MTA1: variants seen among roughly 807,000 people sequenced by gnomAD.
The protein encoded by MTA1 is metastasis-associated protein MTA1.
In MTA1, 15 loss-of-function variants were observed where a neutral mutation model predicts 97.0. That is an observed-to-expected ratio of 0.15 (90% CI 0.10 to 0.24). The LOEUF (loss-of-function observed/expected upper bound fraction) is 0.24, where lower values mean the gene tolerates loss of function less well. Ranked by LOEUF, MTA1 falls within the 10% of genes least tolerant of loss-of-function variation. The pLI is 1.00. For synonymous variants in MTA1, 435 were observed against 417.5 expected, an observed-to-expected ratio of 1.04 and a Z score of -0.51; for missense variants, 709 against 1,015.1, an observed-to-expected ratio of 0.70 and a Z score of 4.10.
At chr14:105,430,947 G>GT (rs2082160146) in intron 1 of MTA1, among the ~76,000 whole-genome samples, 1 of 152,194 alleles carries the variant, frequency 6.6e-6, no homozygotes. Flanking sequence ...CCGTGGTGGG[G>GT]TTGAATATTT....
At chr14:105,466,626 G>A in intron 17 of MTA1, 48 bp downstream of exon 17, 2 of 1,574,102 alleles carry the variant, frequency 1.3e-6, no homozygotes, top group Non-Finnish European at 8.6e-7. Context: ...CGCCCGGTGA[G>A]TCCGGCCCGT....
At chr14:105,454,630 G>A (rs1003114804) in intron 7 of MTA1, 34 of 240,156 alleles carry the variant, frequency 1.4e-4, no homozygotes, top group African/African-American at 5.1e-4. Context: ...TTTTTCAGAC[G>A]GAGTCTCGCT....
Position 105,441,756 on chromosome 14 carries a change from T to C in MTA1, c.96+3017T>C, listed in dbSNP as rs587658498. Among the ~76,000 whole-genome samples the C allele has an allele frequency of 7.9e-5, 12 of 152,144 alleles. No homozygotes were observed. The South Asian group carries it at 8.3e-4, about 11-fold the overall frequency. On this transcript the variant is annotated intron_variant, in intron 2 of 20. Transcript: ENST00000331320. ...TTGCAGTGAGCCGAGATCCCGCCAC[T>C]ACACTCCAGCCTGGGCGACAGAGCG... is the stretch of plus-strand genomic sequence containing the variant.
At position 105,463,880 on chromosome 14, in the gene MTA1, G is replaced by A; in HGVS notation, c.1077-152G>A. 1.3e-6 allele frequency: 1 copy of A among 761,742 alleles called. No individual in the cohort carries two copies. Among genetic ancestry groups the A allele is most frequent in the South Asian group, 1.5e-5 (1 of 65,424 alleles). 47.2% of individuals were successfully genotyped at this position (761,742 alleles called of 1,614,324 possible). ...ACCTCAGCAGTGGCTCCCAGGAACTGAAAGGGGAGAAAGGAAGATCCCTGC... is the reference window on the plus strand; with the variant it reads ...ACCTCAGCAGTGGCTCCCAGGAACTAAAAGGGGAGAAAGGAAGATCCCTGC... On this transcript the variant is annotated intron_variant, in intron 12 of 20. Transcript: ENST00000331320. This position sits in a 1 kb window ranked among gnomAD's most constrained non-coding sequence, Gnocchi z 5.9.
At chr14:105,451,101 T>C (rs1033233440) in intron 6 of MTA1, among the ~76,000 whole-genome samples, 1 of 152,124 alleles carries the variant, frequency 6.6e-6, no homozygotes, top group African/African-American at 2.4e-5. Context: ...CCCCAGCGTG[T>C]CCAGTCAGCT....
At chr14:105,453,590 A>G (rs1370676619) in intron 6 of MTA1, among the ~76,000 whole-genome samples, 3 of 152,190 alleles carry the variant, frequency 2.0e-5, no homozygotes, top group Non-Finnish European at 4.4e-5. Flanking sequence ...CGGGTGGATC[A>G]CCTGAGCTCA....
At chr14:105,449,307 G>T in intron 3 of MTA1, 52 bp from the exon 4 acceptor site, 1 of 1,578,766 alleles carries the variant, frequency 6.3e-7, no homozygotes, top group Non-Finnish European at 8.6e-7. Context: ...CAGGGAGCAG[G>T]CCGCCACCCT....
At chr14:105,460,319 C>A in intron 8 of MTA1, 39 bp from the exon 9 acceptor site, 1 of 1,561,048 alleles carries the variant, frequency 6.4e-7, no homozygotes, top group Non-Finnish European at 8.7e-7. Context: ...GGAGTCCCTG[C>A]TTGGCCGACA....
chr14:105,464,527 G>A lies in MTA1; in HGVS notation c.1304G>A (p.Arg435Gln), dbSNP rs782068553. The A allele has an allele frequency of 3.7e-6, 6 of 1,613,080 alleles. No individual in the cohort carries two copies. The highest frequency in any genetic ancestry group is 3.3e-5 in the South Asian group (3 of 91,092). ...KKYGGLKMPT[R>Q]LDGERPGPNR... Reference sequence around the variant, plus strand: ...TATGGTGGCTTGAAAATGCCAACCCGGTTAGATGGAGAGAGGCCAGGACCA... The same window carrying A: ...TATGGTGGCTTGAAAATGCCAACCCAGTTAGATGGAGAGAGGCCAGGACCA... The change falls in exon 14 of 21, where the codon CGG becomes CAG. Residue 435 changes from arginine to glutamine, a missense_variant. Physicochemically the swap from Arg to Gln is conservative, Grantham distance 43 (BLOSUM62 1). This residue lies in a region of MTA1 where 321 missense variants were observed against 593.5 expected (regional missense o/e 0.54). Coordinates refer to ENST00000331320, the MANE Select transcript of MTA1 (RefSeq NM_004689.4).
chr14:105,434,439 A>G (rs189778602), intron 1 of MTA1, among the ~76,000 whole-genome samples: 108 of 151,536 alleles, frequency 7.1e-4, no homozygotes, highest in African/African-American at 2.5e-3. Flanking sequence ...TCTTGTGAAT[A>G]GTACTTTTAC....
At chr14:105,432,494 C>T (rs997487962) in intron 1 of MTA1, among the ~76,000 whole-genome samples, 18 of 152,176 alleles carry the variant, frequency 1.2e-4, no homozygotes, top group Admixed American at 8.5e-4. Flanking sequence ...CTGCCTCGGC[C>T]TCCCAAAGTG....
chr14:105,427,072 G>A (rs1017555201), intron 1 of MTA1, among the ~76,000 whole-genome samples: 24 of 152,336 alleles, frequency 1.6e-4, no homozygotes, highest in East Asian at 7.7e-4. Flanking sequence ...CCGCCCTGCC[G>A]CACAGCTCTT....
rs782670295 is a variant in MTA1 at position 105,458,330 on chromosome 14, C to G, written c.611C>G (p.Pro204Arg). The G allele has an allele frequency of 1.2e-6, 2 of 1,612,776 alleles. No individual in the cohort carries two copies. The highest frequency in any genetic ancestry group is 1.3e-5 in the African/African-American group (1 of 75,038). The change falls in exon 8 of 21, where the codon CCA (proline) becomes CGA (arginine). Residue 204 changes from proline to arginine, a missense_variant. Coordinates refer to ENST00000331320, the MANE Select transcript of MTA1 (RefSeq NM_004689.4). ...LETQVWEAHN[P>R]LTDKQIDQFL... ...ACCCAGGTGTGGGAGGCGCACAACC[C>G]ACTCACAGACAAGCAGATCGACCAG...
intron 2 of MTA1, 34 bp downstream of exon 2, chr14:105,438,773 T>A: frequency 8.7e-5 from 114 of 1,306,142 alleles, no homozygotes; most frequent in Non-Finnish European, 1.2e-4. Context: ...TGCAGGGGGG[T>A]AGTGGGTGGG....
At chr14:105,451,809 A>G (rs1555428783) in intron 6 of MTA1, among the ~76,000 whole-genome samples, 1 of 62,498 alleles carries the variant, frequency 1.6e-5, no homozygotes. Context: ...TTTTTTTTTG[A>G]GACAGAGTTT....
intron 2 of MTA1, among the ~76,000 whole-genome samples, chr14:105,444,788 CT>C (rs200494497): frequency 1.3e-4 from 18 of 134,300 alleles, no homozygotes; most frequent in African/African-American, 5.7e-4. Context: ...GAGACCCCAT[CT>C]TAAAAAAAAA....
At chr14:105,426,203 C>T (rs1268124356) in intron 1 of MTA1, among the ~76,000 whole-genome samples, 5 of 152,152 alleles carry the variant, frequency 3.3e-5, no homozygotes, top group African/African-American at 7.2e-5. Flanking sequence ...CCTTCCCGTC[C>T]GTGCCCTGCC....
chr14:105,440,173 G>A (rs1048961204), intron 2 of MTA1, among the ~76,000 whole-genome samples: 1 of 152,230 alleles, frequency 6.6e-6, no homozygotes, highest in Non-Finnish European at 1.5e-5. Flanking sequence ...GGGCCTGCCC[G>A]CCTGCAGAGC....
rs2141374603 is a variant in MTA1, at chr14:105,420,586, A to G, written c.28+523A>G. Among the ~76,000 whole-genome samples the G allele has an allele frequency of 6.6e-6, 1 of 152,220 alleles. No homozygotes were observed. Among genetic ancestry groups the G allele is most frequent in the Non-Finnish European group, 1.5e-5 (1 of 67,974 alleles). On this transcript the variant is annotated intron_variant, in intron 1 of 20. Transcript: ENST00000331320. The surrounding 1 kb of genome is among the most constrained non-coding windows in gnomAD (Gnocchi z 5.3). ...GGCCCCGGGGCTTCCCCCAGCAGGG[A>G]TCCCTCAGGGGGTCTTCAGCAGGGA...
Sources: allele counts gnomAD v4.1 joint callset (sites outside exome capture counted in the v4.1 genomes callset), GRCh38; gene constraint gnomAD v4.1.1; regional missense constraint gnomAD v4.1.1; non-coding constraint Gnocchi (gnomAD v3.1); transcripts MANE v1.5; gene names NCBI Gene and HGNC (gene_info 2026-07-23, HGNC 2026-07-21).